AKR1C3: variants seen among roughly 807,000 people sequenced by gnomAD.
AKR1C3 encodes 3-alpha hydroxysteroid dehydrogenase, type II.
In AKR1C3, 48 loss-of-function variants were observed where a neutral mutation model predicts 43.6. The observed-to-expected ratio is 1.10, with a 90% CI of 0.87 to 1.40. AKR1C3 has a LOEUF of 1.40. AKR1C3 is among the 40% of genes most tolerant of loss of function. AKR1C3 has a pLI of 0.00. For missense variants in AKR1C3, 482 were observed against 391.2 expected, an observed-to-expected ratio of 1.23 and a Z score of -1.96; for synonymous variants, 162 against 139.6, an observed-to-expected ratio of 1.16 and a Z score of -1.13.
chr10:5,081,999 T>C (rs1026812249), intron 1 of AKR1C3: 13 of 151,788 alleles, frequency 8.6e-5, no homozygotes, highest in Admixed American at 6.5e-4. Flanking sequence ...GCATGATGCA[T>C]TCTGTTTGTC....
At chr10:5,051,151 A>T (rs1443100334) in intron 1 of AKR1C3, among the ~76,000 whole-genome samples, 2 of 152,222 alleles carry the variant, frequency 1.3e-5, no homozygotes, top group Non-Finnish European at 2.9e-5. Context: ...GCTGGAGTAC[A>T]GTGGCGTGGT....
intron 1 of AKR1C3, among the ~76,000 whole-genome samples, chr10:5,060,386 A>G (rs1838356606): frequency 6.6e-6 from 1 of 152,134 alleles, no homozygotes; most frequent in Non-Finnish European, 1.5e-5. Context: ...GATGGTGCTG[A>G]TTGGTGCATT....
chr10:5,088,098 T>C (rs924980381), intron 1 of AKR1C3, among the ~76,000 whole-genome samples: 1 of 152,194 alleles, frequency 6.6e-6, no homozygotes, highest in African/African-American at 2.4e-5. Context: ...CAGGGACACA[T>C]TGTTTAATTT....
intron 1 of AKR1C3, among the ~76,000 whole-genome samples, chr10:5,053,158 C>T (rs1053434954): frequency 6.6e-6 from 1 of 152,250 alleles, no homozygotes; most frequent in Non-Finnish European, 1.5e-5. Context: ...CTCCTCAGCA[C>T]TTGGGTGGTT....
At chr10:5,085,273 T>C (rs1452150488) in intron 1 of AKR1C3, among the ~76,000 whole-genome samples, 18 of 151,756 alleles carry the variant, frequency 1.2e-4, no homozygotes, top group African/African-American at 4.1e-4. Flanking sequence ...TTATTGAGAG[T>C]TTTTAGCATG....
chr10:5,094,394 C>A (rs1330052542), upstream of AKR1C3: 14 of 1,591,860 alleles, frequency 8.8e-6, no homozygotes, highest in Non-Finnish European at 1.2e-5. Context: ...TTTTTGTAAT[C>A]TCTGAGGAGA....
intron 1 of AKR1C3, among the ~76,000 whole-genome samples, chr10:5,050,901 T>C (rs1838139765): frequency 6.6e-6 from 1 of 152,252 alleles, no homozygotes; most frequent in Non-Finnish European, 1.5e-5. Context: ...GCCTAATTGC[T>C]ACCAGTAGCC....
rs574309496 is a variant in AKR1C3 at position 5,082,438 on chromosome 10, T to A, written c.85-13972T>A. On this transcript the variant is annotated intron_variant, in intron 1 of 8. Transcript: ENST00000439082. ...GCTGTTAATTTGTCCTAGATGTCCC[T>A]TATTATTTTGAGTCATGTTCCCTTG... Among the ~76,000 whole-genome samples the A allele has an allele frequency of 3.3e-5, 5 of 152,274 alleles. No individual in the cohort carries two copies. In the South Asian group the frequency reaches 1.0e-3, roughly 32 times the overall value.
At chr10:5,069,851 G>A (rs1199320480) in intron 1 of AKR1C3, among the ~76,000 whole-genome samples, 1 of 151,910 alleles carries the variant, frequency 6.6e-6, no homozygotes, top group Admixed American at 6.6e-5. Context: ...TCCAGCCTGG[G>A]CAATAAGAGT....
chr10:5,058,762 T>A (rs190100586), intron 1 of AKR1C3, among the ~76,000 whole-genome samples: 15 of 152,160 alleles, frequency 9.9e-5, no homozygotes, highest in Admixed American at 5.2e-4. Flanking sequence ...CCAAGGAAGG[T>A]TGGATTTAGT....
chr10:5,102,043 C>G lies in AKR1C3; in HGVS notation c.571-58C>G, dbSNP rs35047456. 2,027 of 1,093,970 alleles carry G rather than the reference C, an allele frequency of 1.9e-3. 23 individuals are homozygous for G. The African/African-American group carries it at 0.029, about 16-fold the overall frequency. 67.8% of individuals were successfully genotyped at this position (1,093,970 alleles called of 1,614,324 possible). ...TTCAGCTTCCTTACTTTCATCTTTT[C>G]AATATTAACATAACTATTTCATATA... On this transcript the variant is annotated intron_variant, in intron 5 of 8. Coordinates refer to ENST00000380554, the MANE Select transcript of AKR1C3 (RefSeq NM_003739.6).
chr10:5,087,808 T>G (rs1473456399), intron 1 of AKR1C3, among the ~76,000 whole-genome samples: 1 of 152,156 alleles, frequency 6.6e-6, no homozygotes, highest in Non-Finnish European at 1.5e-5. Context: ...CTATTTTTTT[T>G]CTTGTCTCAA....
intron 1 of AKR1C3, among the ~76,000 whole-genome samples, chr10:5,083,297 A>G (rs1305821099): frequency 1.3e-5 from 2 of 151,822 alleles, no homozygotes; most frequent in Admixed American, 1.3e-4. Flanking sequence ...CTCATTGTTC[A>G]ATTCCCACCT....
At chr10:5,066,718 T>C (rs567116472) in intron 1 of AKR1C3, among the ~76,000 whole-genome samples, 2 of 152,186 alleles carry the variant, frequency 1.3e-5, no homozygotes, top group African/African-American at 4.8e-5. Context: ...AGCAGTCTCA[T>C]CTCCTTCACT....
At chr10:5,079,697 C>T (rs1271023690) in intron 1 of AKR1C3, among the ~76,000 whole-genome samples, 1 of 152,070 alleles carries the variant, frequency 6.6e-6, no homozygotes, top group Admixed American at 6.6e-5. Context: ...CTCTCTCTCT[C>T]CCCCATTACC....
Position 5,094,423 on chromosome 10 carries a change from C to T in AKR1C3, c.-22C>T, listed in dbSNP as rs782433179. ...GAGGAGAAGCAGCAGCAAACATTTG[C>T]TAGTCAGACAAGTGACAGGGAATGG... On this transcript the variant is annotated 5_prime_UTR_variant, in exon 1 of 9. Transcript: ENST00000380554. The T allele has an allele frequency of 8.7e-6, 14 of 1,607,576 alleles. No homozygotes were observed. The highest frequency in any genetic ancestry group is 1.7e-5 in the Admixed American group (1 of 59,796).
chr10:5,073,657 A>T (rs761223882), intron 1 of AKR1C3, among the ~76,000 whole-genome samples: 1 of 152,218 alleles, frequency 6.6e-6, no homozygotes, highest in Admixed American at 6.5e-5. Flanking sequence ...CAGAGCATTG[A>T]CATATTTGAT....
chr10:5,065,541 T>C (rs1838484597), intron 1 of AKR1C3, among the ~76,000 whole-genome samples: 1 of 152,004 alleles, frequency 6.6e-6, no homozygotes, highest in African/African-American at 2.4e-5. Context: ...CAGAAAAAAA[T>C]GCAAGGAAAG....
At chr10:5,054,224 G>C (rs1401809049) in intron 1 of AKR1C3, among the ~76,000 whole-genome samples, 1 of 152,192 alleles carries the variant, frequency 6.6e-6, no homozygotes, top group Non-Finnish European at 1.5e-5. Flanking sequence ...GAGTCTATTT[G>C]GGATTGTAAA....
Sources: gnomAD v4.1 joint callset for allele counts (sites outside exome capture counted in the v4.1 genomes callset) on GRCh38, gnomAD v4.1.1 for gene constraint, MANE v1.5 for transcripts, NCBI Gene and HGNC (gene_info 2026-07-23, HGNC 2026-07-21) for gene names.